Variants in APP observed in about 807,000 individuals in gnomAD.
The protein encoded by APP is amyloid-beta precursor protein.
A neutral mutation model predicts 101.4 loss-of-function variants in APP; 31 were observed. The ratio of observed to expected loss-of-function variants is 0.31; its 90% CI spans 0.23 to 0.41. The LOEUF is 0.41. Among genes scored for constraint, APP ranks in the 10% least tolerant of loss-of-function variants. The pLI is 1.00. For synonymous variants in APP, 366 were observed against 364.4 expected (o/e 1.00, Z -0.05); for missense variants, 839 against 1,003.7 (o/e 0.84, Z 2.22).
intron 1 of APP, among the ~76,000 whole-genome samples, chr21:26,113,451 G>A (rs45495091): frequency 0.095 from 14,521 of 152,174 alleles, 887 homozygotes; most frequent in Admixed American, 0.15. Flanking sequence ...CCCAACAGAG[G>A]ACTTAGGTCC....
At chr21:26,140,042 G>C (rs1395538270) in intron 1 of APP, 1 of 842,790 alleles carries the variant, frequency 1.2e-6, no homozygotes, top group African/African-American at 1.7e-5. Flanking sequence ...TCCCTACTTT[G>C]GTCACAATAA....
In APP at chr21:26,130,802, T is replaced by C. The variant is rs538569724; in HGVS notation, c.58-18656A>G. Among the ~76,000 whole-genome samples, 17 of 152,302 alleles carry C rather than the reference T, an allele frequency of 1.1e-4. No homozygotes were observed. The South Asian group carries it at 3.5e-3, about 32-fold the overall frequency. ...GCAATTTATATTTTTAGTAGTAGCC[T>C]TCCCTTCCTTCCTTCCTTACTATCA... On this transcript the variant is annotated intron_variant, in intron 1 of 17. Transcript: ENST00000346798.
intron 1 of APP, among the ~76,000 whole-genome samples, chr21:26,124,111 C>A (rs1243774287): frequency 2.0e-5 from 3 of 151,632 alleles, no homozygotes; most frequent in Non-Finnish European, 4.4e-5. Context: ...ATACTTATGC[C>A]AACAATTAAG....
chr21:26,099,223 A>T (rs1012439089), intron 2 of APP, among the ~76,000 whole-genome samples: 1 of 151,722 alleles, frequency 6.6e-6, no homozygotes, highest in African/African-American at 2.4e-5. Context: ...GCTAGCATAT[A>T]TGAATATATA....
At chr21:26,032,811 T>A (rs761600266) in intron 5 of APP, among the ~76,000 whole-genome samples, 10 of 149,962 alleles carry the variant, frequency 6.7e-5, no homozygotes, top group Non-Finnish European at 1.3e-4. Context: ...AAAAAATATA[T>A]ATATATATAT....
intron 13 of APP, among the ~76,000 whole-genome samples, chr21:25,916,022 A>G (rs183971947): frequency 7.3e-5 from 11 of 151,648 alleles, no homozygotes; most frequent in Admixed American, 5.3e-4. Context: ...CCACATTCCT[A>G]TCTTAATTCA....
chr21:26,022,742 C>T (rs2044398086), intron 5 of APP, among the ~76,000 whole-genome samples: 2 of 152,188 alleles, frequency 1.3e-5, no homozygotes, highest in South Asian at 2.1e-4. Context: ...AGTGCACATA[C>T]AAGAGCCGCA....
chr21:26,042,949 A>G lies in APP; in HGVS notation c.662+8051T>C, dbSNP rs147209472. Among the ~76,000 whole-genome samples, 573 of 152,244 alleles carry G rather than the reference A, an allele frequency of 3.8e-3. 5 individuals carry two copies. Among genetic ancestry groups the G allele is most frequent in the African/African-American group, 0.013 (545 of 41,556 alleles). ...AAATCACTTTAATATAGTATCTGGAACATATCAAATGCTCAAGAGGTTTAG... is the reference window on the plus strand; with the variant it reads ...AAATCACTTTAATATAGTATCTGGAGCATATCAAATGCTCAAGAGGTTTAG... On this transcript the variant is annotated intron_variant, in intron 5 of 17. Transcript: ENST00000346798.
chr21:25,996,156 T>A (rs551073356), intron 8 of APP, among the ~76,000 whole-genome samples: 2 of 152,286 alleles, frequency 1.3e-5, no homozygotes, highest in East Asian at 3.9e-4. Context: ...ATATTACAAC[T>A]GAAATAAAAA....
intron 17 of APP, among the ~76,000 whole-genome samples, chr21:25,891,240 T>A (rs545484673): frequency 1.2e-4 from 18 of 152,206 alleles, no homozygotes; most frequent in African/African-American, 4.3e-4. Context: ...AAGGTAAGAG[T>A]CTGCACTGAA....
At chr21:26,013,641 T>A (rs1282043248) in intron 6 of APP, among the ~76,000 whole-genome samples, 2 of 152,294 alleles carry the variant, frequency 1.3e-5, no homozygotes, top group African/African-American at 4.8e-5. Flanking sequence ...TTACTTCTGC[T>A]ATTCTATTTT....
intron 17 of APP, among the ~76,000 whole-genome samples, chr21:25,882,623 G>A (rs2146197394): frequency 6.6e-6 from 1 of 151,980 alleles, no homozygotes; most frequent in South Asian, 2.1e-4. Flanking sequence ...GTGGGCAGTG[G>A]CTGTTCTTGT....
intron 5 of APP, among the ~76,000 whole-genome samples, chr21:26,032,692 T>C (rs560709591): frequency 6.6e-6 from 1 of 152,272 alleles, no homozygotes; most frequent in South Asian, 2.1e-4. Flanking sequence ...AATGTATACT[T>C]ATGACATTTC....
At chr21:26,090,168 T>G in intron 2 of APP, 96 bp from the exon 3 acceptor site, 1 of 1,562,288 alleles carries the variant, frequency 6.4e-7, no homozygotes, top group Non-Finnish European at 8.7e-7. Context: ...ACAGGTGGAG[T>G]GTCCCTTATC....
chr21:25,892,964 A>AAAAC (rs1555889466), intron 16 of APP, among the ~76,000 whole-genome samples: 42 of 151,330 alleles, frequency 2.8e-4, no homozygotes, highest in African/African-American at 8.7e-4. Context: ...AAAAAAAACA[A>AAAAC]AAAGGTTTCT....
intron 17 of APP, among the ~76,000 whole-genome samples, chr21:25,884,906 ACTCCAAAG>A (rs2037226425): frequency 6.6e-6 from 1 of 152,150 alleles, no homozygotes; most frequent in Non-Finnish European, 1.5e-5. Flanking sequence ...TCCTCTTCAA[ACTCCAAAG>A]CCTAACGCTT....
chr21:25,984,334 A>T (rs1245083646), intron 8 of APP, among the ~76,000 whole-genome samples: 1 of 152,222 alleles, frequency 6.6e-6, no homozygotes. Context: ...GAACCACTGA[A>T]AATGAATTAC....
chr21:25,911,618 GACT>G (rs1251693239), intron 14 of APP, 120 bp downstream of exon 14: 3 of 789,170 alleles, frequency 3.8e-6, no homozygotes, highest in African/African-American at 1.7e-5. Flanking sequence ...AAATATTTAT[GACT>G]ACATCAAAAA....
At chr21:25,949,661 G>A (rs948837274) in intron 13 of APP, among the ~76,000 whole-genome samples, 1 of 152,062 alleles carries the variant, frequency 6.6e-6, no homozygotes, top group Admixed American at 6.6e-5. Context: ...ATCTTGAGGA[G>A]GCAAGGATGA....
Sources: gnomAD v4.1 joint callset for allele counts (sites outside exome capture counted in the v4.1 genomes callset) on GRCh38, gnomAD v4.1.1 for gene constraint, MANE v1.5 for transcripts, NCBI Gene and HGNC (gene_info 2026-07-23, HGNC 2026-07-21) for gene names.